The following CLTCL1 variants were observed in gnomAD, a reference collection of about 807,000 sequenced individuals.
CLTCL1 encodes clathrin heavy chain like 1.
Under a neutral mutation model 190.0 loss-of-function variants are expected in CLTCL1, and 159 were observed. The ratio of observed to expected loss-of-function variants is 0.84; its 90% CI spans 0.74 to 0.95. The LOEUF is 0.95. CLTCL1 is among the 40% of genes least tolerant of loss of function. The pLI, the probability that CLTCL1 is intolerant of heterozygous loss-of-function variation, is 0.00. For missense variants in CLTCL1, 1,878 were observed against 2,033.4 expected (o/e 0.92, Z 1.47); for synonymous variants, 752 against 769.6 (o/e 0.98, Z 0.38).
chr22:19,220,084 T>C (rs1395266126), intron 17 of CLTCL1, 77 bp from the exon 18 acceptor site: 43 of 1,582,404 alleles, frequency 2.7e-5, no homozygotes, highest in Non-Finnish European at 3.5e-5. Context: ...CCCCAATTCG[T>C]TCCCTGTGTG....
intron 26 of CLTCL1, among the ~76,000 whole-genome samples, 173 bp from the exon 27 acceptor site, chr22:19,191,608 C>T (rs2084508592): frequency 6.6e-6 from 1 of 152,198 alleles, no homozygotes; most frequent in South Asian, 2.1e-4. Flanking sequence ...ATTTTGTCCC[C>T]CAGCACTGAC....
chr22:19,241,750 G>T (rs2086260105), intron 4 of CLTCL1, among the ~76,000 whole-genome samples: 1 of 152,122 alleles, frequency 6.6e-6, no homozygotes, highest in Non-Finnish European at 1.5e-5. Context: ...TGGCAGCCCT[G>T]CCGAGCAGCC....
intron 11 of CLTCL1, 43 bp from the exon 12 acceptor site, chr22:19,226,426 A>G (rs2085749257): frequency 1.9e-6 from 3 of 1,609,136 alleles, no homozygotes; most frequent in Non-Finnish European, 1.7e-6. Flanking sequence ...ATCAATGGCA[A>G]TAACTTTTTA....
chr22:19,247,653 TG>T (rs1188175761), intron 3 of CLTCL1, among the ~76,000 whole-genome samples: 1 of 151,330 alleles, frequency 6.6e-6, no homozygotes, highest in African/African-American at 2.4e-5. Context: ...CTCTGCATCC[TG>T]GGTTCAGGCG....
At chr22:19,280,035 A>G (rs1428244945) in intron 1 of CLTCL1, among the ~76,000 whole-genome samples, 3 of 152,216 alleles carry the variant, frequency 2.0e-5, no homozygotes, top group African/African-American at 4.8e-5. Flanking sequence ...AAAGTCATAT[A>G]CAGGGACTGT....
intron 2 of CLTCL1, among the ~76,000 whole-genome samples, chr22:19,256,070 T>C (rs2086738143): frequency 6.6e-6 from 1 of 152,154 alleles, no homozygotes; most frequent in African/African-American, 2.4e-5. Flanking sequence ...ATCAGAACAC[T>C]TAAAATTGCC....
chr22:19,291,671 G>A lies in CLTCL1; in HGVS notation c.-30C>T, dbSNP rs3747060. 1.1e-5 allele frequency: 15 copies of A among 1,351,632 alleles called. No individual in the cohort carries two copies. Among genetic ancestry groups the A allele is most frequent in the Admixed American group, 6.4e-5 (2 of 31,242 alleles). 83.7% of individuals were successfully genotyped at this position (1,351,632 alleles called of 1,614,324 possible). The stretch of plus-strand genomic sequence containing the variant: ...GGTGCGGGACCTCGGCGGCGGCGGC[G>A]GCAGCGGCAGGAATGAACGCCGACC... On this transcript the variant is annotated 5_prime_UTR_variant, in exon 1 of 33. Coordinates refer to ENST00000427926, the MANE Select transcript of CLTCL1 (RefSeq NM_007098.4).
At position 19,183,384 on chromosome 22, in the gene CLTCL1, A is replaced by G; in HGVS notation, c.4827+6T>C. 2 of 1,611,878 alleles carry G rather than the reference A, an allele frequency of 1.2e-6. No individual in the cohort carries two copies. The highest frequency in any genetic ancestry group is 1.7e-6 in the Non-Finnish European group (2 of 1,178,970). On this transcript the variant is annotated splice_donor_region_variant and intron_variant, in intron 30 of 32. Transcript: ENST00000427926. ...GCCGGGGAGCTGCAGCCGGCCCGGC[A>G]CCTACCTTGCTCAGGTACTCCCTCA... is the stretch of plus-strand genomic sequence containing the variant.
rs141458742 is a variant in CLTCL1 at position 19,232,686 on chromosome 22, G to A, written c.1522-88C>T. The A allele has an allele frequency of 2.2e-3, 3,308 of 1,486,080 alleles. 7 individuals carry two copies. Among genetic ancestry groups the A allele is most frequent in the Non-Finnish European group, 2.7e-3 (2,949 of 1,110,126 alleles). 92.1% of individuals were successfully genotyped at this position (1,486,080 alleles called of 1,614,324 possible). A position where few individuals can be genotyped will look rare whatever the true frequency, so the allele number is the denominator to read the frequency against. ...GTTATCCATCCTTTGTTTTAAACTCGTGTTAACAAAGAAATGAGCAGCAAC... is the reference window on the plus strand; with the variant it reads ...GTTATCCATCCTTTGTTTTAAACTCATGTTAACAAAGAAATGAGCAGCAAC... On this transcript the variant is annotated intron_variant, in intron 9 of 32. Coordinates refer to ENST00000427926, the MANE Select transcript of CLTCL1 (RefSeq NM_007098.4).
In CLTCL1 at chr22:19,183,649, G is replaced by T. The variant is rs1445365995; in HGVS notation, c.4606-38C>A. 64 of 1,602,708 alleles carry T rather than the reference G, an allele frequency of 4.0e-5. 1 individual carries two copies. The highest frequency in any genetic ancestry group is 5.1e-5 in the Non-Finnish European group (60 of 1,172,606). The stretch of plus-strand genomic sequence containing the variant: ...CAAATGCTTGCTTGGGCATCCTGCA[G>T]GCAGAGGCTTTGTGCCTGCAGCAGC... On this transcript the variant is annotated intron_variant, in intron 29 of 32. Coordinates refer to ENST00000427926, the MANE Select transcript of CLTCL1 (RefSeq NM_007098.4).
chr22:19,274,883 C>T (rs963858268), intron 2 of CLTCL1, among the ~76,000 whole-genome samples: 1 of 151,994 alleles, frequency 6.6e-6, no homozygotes, highest in Non-Finnish European at 1.5e-5. Flanking sequence ...TGCGCCACCA[C>T]GCCCAGCTAA....
At chr22:19,229,508 C>A (rs147539626) in intron 11 of CLTCL1, among the ~76,000 whole-genome samples, 3 of 152,112 alleles carry the variant, frequency 2.0e-5, no homozygotes, top group Non-Finnish European at 4.4e-5. Flanking sequence ...GTGGTAATGG[C>A]TGCATAGCAT....
At chr22:19,277,198 G>A (rs2087546141) in intron 1 of CLTCL1, among the ~76,000 whole-genome samples, 1 of 152,164 alleles carries the variant, frequency 6.6e-6, no homozygotes, top group Admixed American at 6.5e-5. Context: ...TTGTAGCAGA[G>A]TCTAGCACAT....
At chr22:19,288,504 G>A (rs1306462109) in intron 1 of CLTCL1, among the ~76,000 whole-genome samples, 1 of 152,180 alleles carries the variant, frequency 6.6e-6, no homozygotes, top group Non-Finnish European at 1.5e-5. Flanking sequence ...ACTACCTTGT[G>A]AGATAAGAAG....
chr22:19,215,081 C>G (rs1485748139), intron 19 of CLTCL1, among the ~76,000 whole-genome samples: 1 of 152,224 alleles, frequency 6.6e-6, no homozygotes, highest in Non-Finnish European at 1.5e-5. Flanking sequence ...CTACAGCCAC[C>G]TGTAAGTGCC....
At chr22:19,192,004 T>TGTGTCTCTTA (rs2084522314) in intron 26 of CLTCL1, among the ~76,000 whole-genome samples, 1 of 151,832 alleles carries the variant, frequency 6.6e-6, no homozygotes, top group South Asian at 2.1e-4. Context: ...GCCAGGCTGC[T>TGTGTCTCTTA]GTGTCTCTTA....
intron 6 of CLTCL1, 62 bp from the exon 7 acceptor site, chr22:19,234,768 C>T: frequency 7.1e-7 from 1 of 1,404,442 alleles, no homozygotes; most frequent in Non-Finnish European, 1.0e-6. Flanking sequence ...ATCCCTCTGC[C>T]ATGTTCCCTT....
At chr22:19,199,901 G>A in intron 23 of CLTCL1, 60 bp from the exon 24 acceptor site, 1 of 1,169,166 alleles carries the variant, frequency 8.6e-7, no homozygotes, top group East Asian at 2.6e-5. Context: ...CACAGCAGCT[G>A]ACTTACAAGG....
intron 22 of CLTCL1, among the ~76,000 whole-genome samples, chr22:19,206,418 G>GT (rs1276550625): frequency 6.6e-6 from 1 of 151,908 alleles, no homozygotes; most frequent in Non-Finnish European, 1.5e-5. Flanking sequence ...ATATTTTTTA[G>GT]TTTTTTGATA....
Sources: allele counts gnomAD v4.1 joint callset (sites outside exome capture counted in the v4.1 genomes callset), GRCh38; gene constraint gnomAD v4.1.1; transcripts MANE v1.5; gene names NCBI Gene and HGNC (gene_info 2026-07-23, HGNC 2026-07-21).